The following GALNT17 variants were observed in gnomAD, a reference collection of about 807,000 sequenced individuals.
The protein encoded by GALNT17 is UDP-GalNAc:polypeptide N-acetylgalactosaminyltransferase-like 3.
In GALNT17, 29 loss-of-function variants were observed where a neutral mutation model predicts 63.7. That is an observed-to-expected ratio of 0.46 (90% CI 0.34 to 0.62). The LOEUF (loss-of-function observed/expected upper bound fraction) is 0.62. GALNT17 is among the 20% of genes least tolerant of loss of function. The pLI is 0.01. For missense variants in GALNT17, 603 were observed against 799.6 expected (o/e 0.75, Z 2.97); for synonymous variants, 305 against 318.3 (o/e 0.96, Z 0.45).
chr7:71,486,381 ATAATAATAG>A (rs958926584), intron 5 of GALNT17, among the ~76,000 whole-genome samples: 10 of 114,892 alleles, frequency 8.7e-5, no homozygotes, highest in African/African-American at 3.2e-4. Context: ...AATAATAATA[ATAATAATAG>A]TAAATAATAT....
intron 1 of GALNT17, among the ~76,000 whole-genome samples, chr7:71,262,981 G>A (rs988429765): frequency 3.3e-5 from 5 of 151,984 alleles, no homozygotes; most frequent in East Asian, 3.9e-4. Flanking sequence ...ACACCCAGCC[G>A]ACTGGTGTCC....
intron 5 of GALNT17, among the ~76,000 whole-genome samples, chr7:71,436,642 C>T (rs1786968721): frequency 6.6e-6 from 1 of 151,780 alleles, no homozygotes; most frequent in South Asian, 2.1e-4. Context: ...TGGTGTGAAC[C>T]CGGGAGGCAG....
intron 1 of GALNT17, among the ~76,000 whole-genome samples, chr7:71,246,110 T>C (rs1790089457): frequency 7.0e-6 from 1 of 142,038 alleles, no homozygotes; most frequent in African/African-American, 2.7e-5. Context: ...ATAGCTTTTT[T>C]CGTTGTTTTT....
chr7:71,308,674 C>T (rs1019639404), intron 1 of GALNT17, among the ~76,000 whole-genome samples: 1 of 151,682 alleles, frequency 6.6e-6, no homozygotes, highest in East Asian at 1.9e-4. Context: ...AGGGATGTGA[C>T]AGGTATTGGG....
At chr7:71,616,717 AAT>A (rs1790209951) in intron 6 of GALNT17, among the ~76,000 whole-genome samples, 1 of 132,128 alleles carries the variant, frequency 7.6e-6, no homozygotes, top group African/African-American at 2.7e-5. Context: ...TGATGTATAT[AAT>A]ATATAATTAC....
intron 3 of GALNT17, 97 bp from the exon 4 acceptor site, chr7:71,415,792 C>A: frequency 7.4e-7 from 1 of 1,342,830 alleles, no homozygotes; most frequent in Non-Finnish European, 9.9e-7. Flanking sequence ...TTTTTGAGAT[C>A]TTTGAACTCC....
In GALNT17 at chr7:71,420,966, A is replaced by T; in HGVS notation, c.823A>T (p.Ile275Phe). ...CCGGAAGCGTGTGATCCTCCCCTCC[A>T]TTGACAACATCAAACAGGACAACTT... Reference protein sequence around the residue: ...ENRKRVILPSIDNIKQDNFEV... With the variant: ...ENRKRVILPSFDNIKQDNFEV... Residue 275 changes from isoleucine to phenylalanine, a missense_variant, in exon 5 of 11, where the codon ATT (isoleucine) becomes TTT (phenylalanine). By Grantham distance (21) the Ile-to-Phe change is conservative. Around this residue, in one of 3 missense-constraint regions of GALNT17, gnomAD observed 336 missense variants for 507.8 expected, o/e 0.66. Coordinates refer to ENST00000333538, the MANE Select transcript of GALNT17 (RefSeq NM_022479.3). The T allele has an allele frequency of 6.2e-7, 1 of 1,614,082 alleles. No homozygotes were observed. Among genetic ancestry groups the T allele is most frequent in the Non-Finnish European group, 8.5e-7 (1 of 1,180,002 alleles).
intron 5 of GALNT17, among the ~76,000 whole-genome samples, chr7:71,467,724 G>T (rs1002885841): frequency 6.6e-6 from 1 of 151,972 alleles, no homozygotes; most frequent in African/African-American, 2.4e-5. Flanking sequence ...TGAGACTTAT[G>T]CATGGAGTTC....
At chr7:71,335,052 C>T in intron 1 of GALNT17, among the ~76,000 whole-genome samples, 1 of 152,166 alleles carries the variant, frequency 6.6e-6, no homozygotes, top group East Asian at 1.9e-4. Flanking sequence ...CCTCATTTCT[C>T]CCAGTTTAGA....
chr7:71,182,532 T>C (rs1281123569), intron 1 of GALNT17, among the ~76,000 whole-genome samples: 1 of 152,152 alleles, frequency 6.6e-6, no homozygotes, highest in East Asian at 1.9e-4. Flanking sequence ...AGAGGTGTCC[T>C]TGGGATCATT....
At chr7:71,162,044 C>G (rs1277994248) in intron 1 of GALNT17, among the ~76,000 whole-genome samples, 1 of 131,540 alleles carries the variant, frequency 7.6e-6, no homozygotes. Flanking sequence ...CCCTCCCTCC[C>G]TCCCTTCCTC....
chr7:71,647,765 C>T (rs1790701022), intron 6 of GALNT17, among the ~76,000 whole-genome samples: 1 of 152,204 alleles, frequency 6.6e-6, no homozygotes, highest in African/African-American at 2.4e-5. Context: ...ACTGACACCA[C>T]CTGACAGCAG....
intron 5 of GALNT17, among the ~76,000 whole-genome samples, chr7:71,523,753 A>G (rs1011616496): frequency 1.8e-5 from 2 of 112,896 alleles, no homozygotes. Flanking sequence ...AAAAATAAAT[A>G]AATAAATAAA....
At chr7:71,653,413 CTTT>C (rs34997969) in intron 6 of GALNT17, among the ~76,000 whole-genome samples, 98 of 147,028 alleles carry the variant, frequency 6.7e-4, no homozygotes, top group Non-Finnish European at 1.3e-3. Context: ...AAAAGTAGGA[CTTT>C]TTTTTTTTTT....
At chr7:71,270,109 T>G (rs867459562) in intron 1 of GALNT17, among the ~76,000 whole-genome samples, 1 of 152,152 alleles carries the variant, frequency 6.6e-6, no homozygotes, top group African/African-American at 2.4e-5. Flanking sequence ...AGCAACCTTA[T>G]GAGTAGTTAC....
At chr7:71,366,711 A>G (rs1792517618) in intron 2 of GALNT17, among the ~76,000 whole-genome samples, 1 of 152,132 alleles carries the variant, frequency 6.6e-6, no homozygotes, top group African/African-American at 2.4e-5. Flanking sequence ...TATGTTAGAC[A>G]TGTCCATTTT....
intron 1 of GALNT17, among the ~76,000 whole-genome samples, chr7:71,246,112 G>GTTGTTTT (rs1554344137): frequency 1.8e-5 from 2 of 112,854 alleles, no homozygotes; most frequent in African/African-American, 4.0e-5. Flanking sequence ...AGCTTTTTTC[G>GTTGTTTT]TTGTTTTTTT....
rs1562675393 is a variant in GALNT17 at position 71,523,787 on chromosome 7, T to TAAATAAA, written c.963-47495_963-47494insTAAAAAA. The stretch of plus-strand genomic sequence containing the variant: ...AATAAATAAATAAATAAATAAATAA[T>TAAATAAA]AAAGAAAAGAAAGAAATACACATCC... On this transcript the variant is annotated intron_variant, in intron 5 of 10. Coordinates refer to ENST00000333538, the MANE Select transcript of GALNT17 (RefSeq NM_022479.3). 1.8e-3 allele frequency among the ~76,000 whole-genome samples: 214 copies of TAAATAAA among 120,504 alleles called. 1 individual carries two copies. Among genetic ancestry groups the TAAATAAA allele is most frequent in the African/African-American group, 2.7e-3 (92 of 33,616 alleles). 79.1% of individuals were successfully genotyped at this position (120,504 alleles called of 152,430 possible).
intron 9 of GALNT17, among the ~76,000 whole-genome samples, chr7:71,700,469 C>A (rs542192179): frequency 2.2e-4 from 34 of 152,250 alleles, no homozygotes; most frequent in Admixed American, 1.4e-3. Context: ...GTGTGGTCAG[C>A]CTAAAATTCA....
Sources: gnomAD v4.1 joint callset for allele counts (sites outside exome capture counted in the v4.1 genomes callset) on GRCh38, gnomAD v4.1.1 for gene constraint, gnomAD v4.1.1 regional missense constraint, MANE v1.5 for transcripts, NCBI Gene and HGNC (gene_info 2026-07-23, HGNC 2026-07-21) for gene names.